HIP1: variants seen among roughly 807,000 people sequenced by gnomAD.
HIP1 encodes huntingtin-interacting protein 1.
A neutral mutation model predicts 147.6 loss-of-function variants in HIP1; 65 were observed. That is an observed-to-expected ratio of 0.44 (90% CI 0.36 to 0.54). The LOEUF is 0.54. HIP1 is among the 20% of genes least tolerant of loss of function. The pLI, the probability that HIP1 is intolerant of heterozygous loss-of-function variation, is 0.00. For missense variants in HIP1, 1,061 were observed against 1,299.6 expected (o/e 0.82, Z 2.82); for synonymous variants, 479 against 504.0 (o/e 0.95, Z 0.67).
At position 75,609,967 on chromosome 7, in the gene HIP1, A is replaced by C. The variant is rs587636384; in HGVS notation, c.121-10720T>G. On this transcript the variant is annotated intron_variant, in intron 1 of 30. Transcript: ENST00000336926. ...GCCCAGGTTAGAGTGCAGTGGCACA[A>C]TTTTGATTCATTGCAACCTCTGCTT... Among the ~76,000 whole-genome samples the C allele has an allele frequency of 3.1e-4, 46 of 149,602 alleles. 1 individual carries two copies. The South Asian group carries it at 9.3e-3, about 30-fold the overall frequency.
intron 22 of HIP1, among the ~76,000 whole-genome samples, chr7:75,551,189 ATTTTTTTTTTTT>A (rs55679922): frequency 2.6e-5 from 2 of 77,406 alleles, no homozygotes; most frequent in Admixed American, 1.7e-4. Context: ...GTAGATGATA[ATTTTTTTTTTTT>A]TTTTTTTTTT....
Position 75,568,228 on chromosome 7 carries a change from G to A in HIP1, c.774C>T (p.His258=). Residue 258 remains histidine (H), a synonymous_variant, in exon 9 of 31, where the codon CAC becomes CAT. Coordinates refer to ENST00000336926, the MANE Select transcript of HIP1 (RefSeq NM_005338.7). The surrounding 1 kb of genome is among the most constrained non-coding windows in gnomAD (Gnocchi z 4.1). ...SCLPADTLQG[H]RDRFMEQFTK... Reference sequence around the variant, plus strand: ...TAAACTGCTCCATGAAGCGGTCCCGGTGGCCTTGCAGGGTGTCAGCTGGGA... The same window carrying A: ...TAAACTGCTCCATGAAGCGGTCCCGATGGCCTTGCAGGGTGTCAGCTGGGA... 6.2e-7 allele frequency: 1 copy of A among 1,613,514 alleles called. No homozygotes were observed. The highest frequency in any genetic ancestry group is 8.5e-7 in the Non-Finnish European group (1 of 1,179,430).
At position 75,553,455 on chromosome 7, in the gene HIP1, C is replaced by A; in HGVS notation, c.2293G>T (p.Glu765Ter). Residue 765 changes from glutamate to a stop codon, truncating the protein, a stop_gained and splice_region_variant, in exon 22 of 31, where the codon GAG (glutamate) becomes TAG (stop). Coordinates refer to ENST00000336926, the MANE Select transcript of HIP1 (RefSeq NM_005338.7). LOFTEE classifies it high-confidence loss of function. ...CTCAATGATACTACTCCAAGTACCT[C>A]GCCGATGGCCTTGATCTTGCTCAGG... ...NCLSKIKAIG[E>*]ELLPRGLDIK... The A allele has an allele frequency of 6.2e-7, 1 of 1,613,866 alleles. No homozygotes were observed. Among genetic ancestry groups the A allele is most frequent in the Non-Finnish European group, 8.5e-7 (1 of 1,179,968 alleles).
rs1441205836 is a variant in HIP1, at chr7:75,695,795, G to A, written c.120+43006C>T. Among the ~76,000 whole-genome samples the A allele has an allele frequency of 2.0e-5, 3 of 151,968 alleles. No homozygotes were observed. The East Asian group carries it at 5.8e-4, about 29-fold the overall frequency. On this transcript the variant is annotated intron_variant, in intron 1 of 30. Transcript: ENST00000336926. ...TCACTATGTTGGCCAGGCTGGTCTC[G>A]AACTCCTGACCCCAAGGGATCCACC...
chr7:75,554,668 A>T, intron 19 of HIP1, 142 bp from the exon 20 acceptor site: 1 of 614,938 alleles, frequency 1.6e-6, no homozygotes, highest in Non-Finnish European at 2.9e-6. Context: ...TCACCTCTTG[A>T]TTCAGACCAT....
chr7:75,646,860 C>A (rs377405606), intron 1 of HIP1, among the ~76,000 whole-genome samples: 1 of 152,088 alleles, frequency 6.6e-6, no homozygotes, highest in South Asian at 2.1e-4. Context: ...CCACTTAGAG[C>A]CAGGAAAGGT....
chr7:75,555,719 C>T (rs979296774), intron 18 of HIP1, among the ~76,000 whole-genome samples, 168 bp from the exon 19 acceptor site: 19 of 152,082 alleles, frequency 1.2e-4, no homozygotes, highest in African/African-American at 3.9e-4. Flanking sequence ...ACAGGATGTG[C>T]GGCTGCCCAC....
At chr7:75,629,995 C>T (rs1372044052) in intron 1 of HIP1, among the ~76,000 whole-genome samples, 3 of 151,976 alleles carry the variant, frequency 2.0e-5, no homozygotes, top group East Asian at 1.9e-4. Flanking sequence ...CCTGTCTCTG[C>T]AAAAAAGTTA....
At chr7:75,632,757 T>A (rs1798277502) in intron 1 of HIP1, among the ~76,000 whole-genome samples, 1 of 152,060 alleles carries the variant, frequency 6.6e-6, no homozygotes, top group African/African-American at 2.4e-5. Flanking sequence ...GCAAATGGAC[T>A]ATGCAACTGA....
intron 1 of HIP1, chr7:75,654,522 T>C (rs2117196138): frequency 6.6e-6 from 1 of 152,380 alleles, no homozygotes; most frequent in South Asian, 2.1e-4. Context: ...CTGGAGTTCA[T>C]TTGGCCATCC....
chr7:75,599,048 A>C, intron 2 of HIP1, 136 bp downstream of exon 2: 2 of 664,684 alleles, frequency 3.0e-6, no homozygotes, highest in Non-Finnish European at 5.4e-6. Context: ...AGCTGCCGTC[A>C]TCAGAAGCTG....
At chr7:75,682,078 G>T (rs900231325) in intron 1 of HIP1, among the ~76,000 whole-genome samples, 6 of 134,056 alleles carry the variant, frequency 4.5e-5, no homozygotes, top group Non-Finnish European at 9.2e-5. Flanking sequence ...ACCCAGGCTG[G>T]AGTGCAATGG....
At chr7:75,638,816 CG>C (rs1376310745) in intron 1 of HIP1, among the ~76,000 whole-genome samples, 5 of 152,178 alleles carry the variant, frequency 3.3e-5, no homozygotes, top group South Asian at 2.1e-4. Context: ...CGCGATCTCC[CG>C]GGCAGCCCGG....
At chr7:75,700,368 C>A (rs1237083720) in intron 1 of HIP1, among the ~76,000 whole-genome samples, 2 of 152,238 alleles carry the variant, frequency 1.3e-5, no homozygotes, top group South Asian at 2.1e-4. Flanking sequence ...ACTTGGGAAA[C>A]CTTTTCTGTG....
At chr7:75,650,719 C>T (rs1288936639) in intron 1 of HIP1, among the ~76,000 whole-genome samples, 1 of 152,050 alleles carries the variant, frequency 6.6e-6, no homozygotes, top group African/African-American at 2.4e-5. Flanking sequence ...CGTGAGCCAC[C>T]ATACCCGGCT....
chr7:75,574,676 T>G (rs1313567229), intron 7 of HIP1, among the ~76,000 whole-genome samples: 1 of 151,580 alleles, frequency 6.6e-6, no homozygotes, highest in African/African-American at 2.4e-5. Flanking sequence ...GGGCCAATGA[T>G]GGTTAGACCA....
chr7:75,573,993 C>T, intron 7 of HIP1, 92 bp from the exon 8 acceptor site: 1 of 1,100,908 alleles, frequency 9.1e-7, no homozygotes, highest in Non-Finnish European at 1.3e-6. Flanking sequence ...CAACATACAC[C>T]AAGGACCGAT....
chr7:75,570,082 C>A (rs987933136), intron 8 of HIP1, among the ~76,000 whole-genome samples: 1 of 151,792 alleles, frequency 6.6e-6, no homozygotes, highest in Admixed American at 6.6e-5. Flanking sequence ...TACAGGCGCG[C>A]GCCACCACAC....
At position 75,534,677 on chromosome 7, in the gene HIP1, A is replaced by T. The variant is rs1554488240; in HGVS notation, c.*3495T>A. 5.6e-6 allele frequency: 1 copy of T among 177,838 alleles called. No individual in the cohort carries two copies. The highest frequency in any genetic ancestry group is 2.4e-5 in the African/African-American group (1 of 42,214). The allele number at this position is 177,838 out of a possible 1,614,324, so 11.0% of individuals were successfully genotyped here. A position where few individuals can be genotyped will look rare whatever the true frequency, so the allele number is the denominator to read the frequency against. ...TTGAACTCCTGACCTCAGGTGATCC[A>T]CCCGCCCCTGCCTCCCAAAGTGCTG... On this transcript the variant is annotated 3_prime_UTR_variant, in exon 31 of 31. Coordinates refer to ENST00000336926, the MANE Select transcript of HIP1 (RefSeq NM_005338.7).
Sources: gnomAD v4.1 joint callset for allele counts (sites outside exome capture counted in the v4.1 genomes callset) on GRCh38, gnomAD v4.1.1 for gene constraint, Gnocchi (gnomAD v3.1) non-coding constraint, MANE v1.5 for transcripts, NCBI Gene and HGNC (gene_info 2026-07-23, HGNC 2026-07-21) for gene names.